The following CDC45 variants were observed in gnomAD, a reference collection of about 807,000 sequenced individuals.
The protein encoded by CDC45 is cell division control protein 45 homolog.
A neutral mutation model predicts 77.8 loss-of-function variants in CDC45; 54 were observed. That is an observed-to-expected ratio of 0.69 (90% CI 0.56 to 0.87). CDC45 has a LOEUF of 0.87. CDC45 is among the 40% of genes least tolerant of loss of function. The pLI is 0.00. For missense variants in CDC45, 649 were observed against 721.6 expected (o/e 0.90, Z 1.15); for synonymous variants, 260 against 272.1 (o/e 0.96, Z 0.44).
At chr22:19,515,583 G>C (rs1933741940) in intron 15 of CDC45, among the ~76,000 whole-genome samples, 1 of 152,120 alleles carries the variant, frequency 6.6e-6, no homozygotes, top group Non-Finnish European at 1.5e-5. Context: ...TTTATGCCGG[G>C]GGCTATTTCA....
chr22:19,519,779 C>G (rs1229957434), intron 18 of CDC45, among the ~76,000 whole-genome samples: 1 of 152,246 alleles, frequency 6.6e-6, no homozygotes. Context: ...TTTCTGCTGA[C>G]AACAGCATAG....
chr22:19,508,095 G>A (rs1295246174), intron 12 of CDC45, among the ~76,000 whole-genome samples: 1 of 152,146 alleles, frequency 6.6e-6, no homozygotes, highest in African/African-American at 2.4e-5. Flanking sequence ...AAGCTTGTGA[G>A]GTTTAGGATC....
At chr22:19,494,687 A>G in intron 6 of CDC45, 1 of 948,340 alleles carries the variant, frequency 1.1e-6, no homozygotes, top group Admixed American at 2.1e-5. Context: ...TTTACAAATT[A>G]TTTATAAGAA....
chr22:19,505,284 G>A (rs985874250), intron 9 of CDC45, 78 bp from the exon 10 acceptor site: 34 of 1,582,018 alleles, frequency 2.1e-5, no homozygotes, highest in African/African-American at 1.6e-4. Context: ...GGCCTTGAGC[G>A]GGAATGGAGC....
In CDC45 at chr22:19,482,718, G is replaced by A; in HGVS notation, c.233G>A (p.Gly78Glu). 6.2e-7 allele frequency: 1 copy of A among 1,612,998 alleles called. No homozygotes were observed. The highest frequency in any genetic ancestry group is 8.5e-7 in the Non-Finnish European group (1 of 1,178,988). ...CATTATTTTATTCTCATAAACTGTG[G>A]AGCTAATGTAGACCTATTGGATATT... ...QFHYFILINC[G>E]ANVDLLDILQ... The change falls in exon 4 of 19, where the codon GGA becomes GAA. Residue 78 changes from glycine to glutamate, a missense_variant. Physicochemically the swap from Gly to Glu is moderately conservative, Grantham distance 98. Coordinates refer to ENST00000263201, the MANE Select transcript of CDC45 (RefSeq NM_003504.5).
intron 17 of CDC45, among the ~76,000 whole-genome samples, chr22:19,517,286 AC>A (rs971951916): frequency 5.3e-5 from 8 of 152,180 alleles, no homozygotes; most frequent in Admixed American, 3.3e-4. Context: ...CAGGACACCA[AC>A]CCTTGCTGCG....
At chr22:19,511,815 A>G (rs1197627415) in intron 13 of CDC45, among the ~76,000 whole-genome samples, 2 of 152,066 alleles carry the variant, frequency 1.3e-5, no homozygotes, top group African/African-American at 4.8e-5. Flanking sequence ...TGTCATATCT[A>G]AGAAACCATT....
intron 5 of CDC45, among the ~76,000 whole-genome samples, chr22:19,485,709 A>T (rs967737504): frequency 6.6e-6 from 1 of 152,238 alleles, no homozygotes; most frequent in African/African-American, 2.4e-5. Flanking sequence ...ATAATTTCCC[A>T]CCAACTTTTT....
At chr22:19,498,182 A>G (rs1311308851) in intron 8 of CDC45, among the ~76,000 whole-genome samples, 1 of 152,144 alleles carries the variant, frequency 6.6e-6, no homozygotes, top group Non-Finnish European at 1.5e-5. Context: ...CTCAAAAATT[A>G]GCCAGGTGTC....
upstream of CDC45, chr22:19,479,640 G>A (rs2089939104): frequency 1.5e-6 from 1 of 660,104 alleles, no homozygotes; most frequent in Non-Finnish European, 2.9e-6. Context: ...GGAGGCAGTA[G>A]GCTTCTCTTC....
chr22:19,501,803 C>T (rs577421424), intron 9 of CDC45, among the ~76,000 whole-genome samples: 3 of 152,308 alleles, frequency 2.0e-5, no homozygotes, highest in East Asian at 3.9e-4. Flanking sequence ...CAGCTTTGAC[C>T]TCCTGGGATC....
chr22:19,508,768 A>G (rs1933353663), intron 13 of CDC45, 77 bp downstream of exon 13: 1 of 1,415,148 alleles, frequency 7.1e-7, no homozygotes, highest in African/African-American at 1.4e-5. Context: ...AGTTACGGGG[A>G]CCCCAGGGCT....
At chr22:19,517,303 C>T (rs949322941) in intron 17 of CDC45, among the ~76,000 whole-genome samples, 2 of 152,180 alleles carry the variant, frequency 1.3e-5, no homozygotes, top group Non-Finnish European at 2.9e-5. Flanking sequence ...CTGCGCCAGC[C>T]ACCTCTCCAC....
intron 15 of CDC45, 35 bp from the exon 16 acceptor site, chr22:19,516,492 C>G: frequency 6.4e-7 from 1 of 1,552,530 alleles, no homozygotes; most frequent in Admixed American, 1.7e-5. Context: ...TGGGGCCCAC[C>G]ATACCCTGAC....
At position 19,507,373 on chromosome 22, in the gene CDC45, A is replaced by C; in HGVS notation, c.825-13A>C. The C allele has an allele frequency of 6.2e-7, 1 of 1,613,096 alleles. No homozygotes were observed. On this transcript the variant is annotated splice_polypyrimidine_tract_variant and intron_variant, in intron 10 of 18. Coordinates refer to ENST00000263201, the MANE Select transcript of CDC45 (RefSeq NM_003504.5). ...CCAGTGGGTGCTTGCATGCTCCTTG[A>C]CTGCAGGCCCAGCCTCCGCCTGGTG...
intron 1 of CDC45, 58 bp from the exon 2 acceptor site, chr22:19,480,100 G>T: frequency 1.2e-6 from 2 of 1,611,998 alleles, no homozygotes; most frequent in South Asian, 2.2e-5. Context: ...TGACCGGGAG[G>T]CAGGGGAGGG....
At chr22:19,506,575 T>TG (rs985252400) in intron 10 of CDC45, among the ~76,000 whole-genome samples, 1 of 151,884 alleles carries the variant, frequency 6.6e-6, no homozygotes, top group Non-Finnish European at 1.5e-5. Flanking sequence ...AAATCCACCG[T>TG]GGGGGACAGT....
In CDC45 at chr22:19,494,284, G is replaced by A. The variant is rs1207375036; in HGVS notation, c.487-43G>A. ...TCTTGGGCTGTGGGGATAAATTCCT[G>A]GTGCATTTGCTCCACCTTTTGTTCT... On this transcript the variant is annotated intron_variant, in intron 5 of 18. Coordinates refer to ENST00000263201, the MANE Select transcript of CDC45 (RefSeq NM_003504.5). 1.9e-6 allele frequency: 3 copies of A among 1,571,974 alleles called. No individual in the cohort carries two copies. In the South Asian group the frequency reaches 3.4e-5, roughly 18 times the overall value.
intron 7 of CDC45, 102 bp downstream of exon 7, chr22:19,496,131 G>T: frequency 1.2e-6 from 1 of 829,940 alleles, no homozygotes. Flanking sequence ...CAAAAGCCTG[G>T]TTTGAATCTG....
Sources: allele counts gnomAD v4.1 joint callset (sites outside exome capture counted in the v4.1 genomes callset), GRCh38; gene constraint gnomAD v4.1.1; transcripts MANE v1.5; gene names NCBI Gene and HGNC (gene_info 2026-07-23, HGNC 2026-07-21).